The following PLXNA2 variants were observed in gnomAD, a reference collection of about 807,000 sequenced individuals.
PLXNA2 encodes the protein plexin-A2.
PLXNA2 carries 91 observed loss-of-function variants against 193.5 expected under a neutral mutation model. The observed-to-expected ratio is 0.47, with a 90% CI of 0.40 to 0.56. The LOEUF (loss-of-function observed/expected upper bound fraction) is 0.56, where lower values mean the gene tolerates loss of function less well. PLXNA2 is among the 20% of genes least tolerant of loss of function. The pLI is 0.00. For synonymous variants in PLXNA2, 997 were observed against 1,027.3 expected (o/e 0.97, Z 0.56); for missense variants, 1,995 against 2,503.2 (o/e 0.80, Z 4.33).
chr1:208,230,750 ACC>A (rs1181252249), intron 1 of PLXNA2, among the ~76,000 whole-genome samples: 4 of 152,018 alleles, frequency 2.6e-5, no homozygotes, highest in Non-Finnish European at 5.9e-5. Context: ...CTATGTCCCC[ACC>A]CTGTATCTTC....
intron 1 of PLXNA2, among the ~76,000 whole-genome samples, chr1:208,223,295 C>A (rs747240873): frequency 6.6e-6 from 1 of 151,462 alleles, no homozygotes; most frequent in Non-Finnish European, 1.5e-5. Context: ...TTGACCAGGG[C>A]GACTCAAAGT....
intron 8 of PLXNA2, 126 bp downstream of exon 8, chr1:208,095,903 G>A: frequency 1.4e-6 from 1 of 732,462 alleles, no homozygotes; most frequent in Middle Eastern, 2.4e-4. Flanking sequence ...AAAGTGTCAG[G>A]CCCCATGGGG....
intron 3 of PLXNA2, among the ~76,000 whole-genome samples, chr1:208,177,924 GTC>G (rs1558230549): frequency 6.6e-6 from 1 of 152,234 alleles, no homozygotes; most frequent in African/African-American, 2.4e-5. Flanking sequence ...GACTTTGCCC[GTC>G]TCTGGTTATC....
At chr1:208,081,368 A>G (rs541696201) in intron 11 of PLXNA2, among the ~76,000 whole-genome samples, 4 of 152,248 alleles carry the variant, frequency 2.6e-5, no homozygotes, top group African/African-American at 9.6e-5. Context: ...CCCCTACCCC[A>G]TCTCCATTGG....
rs1054322047 is a variant in PLXNA2, at chr1:208,044,922, T to C, written c.3639+145A>G. On this transcript the variant is annotated intron_variant, in intron 19 of 31. Coordinates refer to ENST00000367033, the MANE Select transcript of PLXNA2 (RefSeq NM_025179.4). The surrounding 1 kb of genome is among the most constrained non-coding windows in gnomAD (Gnocchi z 4.9). ...TTTCTTTTCTTGTGTTCTCAGCTTA[T>C]ACCCAATTTGATGTAGGACCCAGAG... 20 of 1,114,436 alleles carry C rather than the reference T, an allele frequency of 1.8e-5. No homozygotes were observed. The highest frequency in any genetic ancestry group is 7.9e-5 in the Admixed American group (4 of 50,490). 69.0% of individuals were successfully genotyped at this position (1,114,436 alleles called of 1,614,324 possible). A position where few individuals can be genotyped will look rare whatever the true frequency, so the allele number is the denominator to read the frequency against.
intron 5 of PLXNA2, among the ~76,000 whole-genome samples, chr1:208,101,825 C>T (rs1384185907): frequency 6.6e-6 from 1 of 152,138 alleles, no homozygotes; most frequent in East Asian, 1.9e-4. Context: ...TACCGCTGGA[C>T]ATGACCACTG....
At chr1:208,039,536 C>A in intron 24 of PLXNA2, 85 bp downstream of exon 24, 1 of 1,570,968 alleles carries the variant, frequency 6.4e-7, no homozygotes, top group East Asian at 2.2e-5. Flanking sequence ...TATTGACCCC[C>A]TAGACTGCTT....
chr1:208,210,228 C>G, intron 3 of PLXNA2, 52 bp downstream of exon 3: 1 of 1,584,664 alleles, frequency 6.3e-7, no homozygotes. Context: ...AAGAGGGACT[C>G]TTTGCTGAGG....
intron 4 of PLXNA2, among the ~76,000 whole-genome samples, chr1:208,118,378 GC>G (rs1344983994): frequency 1.4e-4 from 22 of 152,320 alleles, no homozygotes; most frequent in Admixed American, 3.9e-4. Flanking sequence ...ACACAGGGAA[GC>G]CCCTTGACCC....
chr1:208,147,428 T>G lies in PLXNA2; in HGVS notation c.1372-4965A>C, dbSNP rs150236117. Among the ~76,000 whole-genome samples the G allele has an allele frequency of 2.2e-3, 186 of 85,190 alleles. 2 individuals carry two copies. The highest frequency in any genetic ancestry group is 0.012 in the South Asian group (21 of 1,770). 55.9% of individuals were successfully genotyped at this position (85,190 alleles called of 152,430 possible). A position where few individuals can be genotyped will look rare whatever the true frequency, so the allele number is the denominator to read the frequency against. On this transcript the variant is annotated intron_variant, in intron 3 of 31. Coordinates refer to ENST00000367033, the MANE Select transcript of PLXNA2 (RefSeq NM_025179.4). ...TGTAATCTCCTTCTCAGGAGGGTTT[T>G]AAACCCAGGATAACCCCTTTTTTTC... is the stretch of plus-strand genomic sequence containing the variant.
At chr1:208,059,487 G>A (rs1026964691) in intron 13 of PLXNA2, among the ~76,000 whole-genome samples, 3 of 152,182 alleles carry the variant, frequency 2.0e-5, no homozygotes, top group African/African-American at 4.8e-5. Flanking sequence ...CCTTCTCTGG[G>A]CCCTGCGAGA....
chr1:208,062,205 T>C (rs150098635), intron 12 of PLXNA2, among the ~76,000 whole-genome samples: 152 of 152,266 alleles, frequency 1.0e-3, no homozygotes, highest in African/African-American at 3.6e-3. Context: ...TATGTGCTGG[T>C]GGAGTGTCCG....
At chr1:208,054,312 T>G in intron 14 of PLXNA2, 109 bp downstream of exon 14, 1 of 720,102 alleles carries the variant, frequency 1.4e-6, no homozygotes, top group South Asian at 1.8e-5. Context: ...TCCTCCTTGG[T>G]CTGCAAGAAG....
Position 208,098,893 on chromosome 1 carries a change from G to A in PLXNA2, c.1684C>T (p.Leu562Phe), listed in dbSNP as rs769594491. Residue 562 changes from leucine (L) to phenylalanine (F), a missense_variant, in exon 6 of 32, where the codon CTT becomes TTT. Transcript: ENST00000367033. ...GAGATGCTGCTGGGATGCACTGCAA[G>A]GCTCACACACTGGCTGATGCTGGCA... ...FAASISQCVS[L>F]AVHPSSISVS... 6.2e-7 allele frequency: 1 copy of A among 1,613,876 alleles called. No individual in the cohort carries two copies. Among genetic ancestry groups the A allele is most frequent in the Admixed American group, 1.7e-5 (1 of 59,982 alleles).
Position 208,224,176 on chromosome 1 carries a change from G to A in PLXNA2, c.-80-6174C>T, listed in dbSNP as rs1383722733. 8.5e-5 allele frequency among the ~76,000 whole-genome samples: 13 copies of A among 152,116 alleles called. No individual in the cohort carries two copies. In the East Asian group the frequency reaches 1.2e-3, roughly 14 times the overall value. ...CGCAAAAGCCCCGGGTAATGCCGAC[G>A]GCTGAAAGTCCTCAATTAGAGTGAA... is the stretch of plus-strand genomic sequence containing the variant. On this transcript the variant is annotated intron_variant, in intron 1 of 31. Transcript: ENST00000367033.
intron 4 of PLXNA2, among the ~76,000 whole-genome samples, chr1:208,133,522 A>G (rs1668220913): frequency 6.6e-6 from 1 of 152,230 alleles, no homozygotes; most frequent in South Asian, 2.1e-4. Flanking sequence ...CTATATCTAC[A>G]TATGCAAATG....
At chr1:208,155,577 T>G (rs1457649450) in intron 3 of PLXNA2, among the ~76,000 whole-genome samples, 1 of 152,172 alleles carries the variant, frequency 6.6e-6, no homozygotes, top group Non-Finnish European at 1.5e-5. Context: ...TTTTGACAAT[T>G]TGGCAGTAAG....
chr1:208,183,761 A>G (rs1452238691), intron 3 of PLXNA2, among the ~76,000 whole-genome samples: 1 of 152,166 alleles, frequency 6.6e-6, no homozygotes, highest in East Asian at 1.9e-4. Flanking sequence ...TGAAAAAGAA[A>G]TTGCACTGTA....
At chr1:208,102,996 T>C (rs376286790) in intron 5 of PLXNA2, 151 bp downstream of exon 5, 4 of 656,842 alleles carry the variant, frequency 6.1e-6, no homozygotes, top group East Asian at 2.8e-5. Flanking sequence ...CCTCTTTGCC[T>C]CTTCCTGCTC....
Sources: gnomAD v4.1 joint callset for allele counts (sites outside exome capture counted in the v4.1 genomes callset) on GRCh38, gnomAD v4.1.1 for gene constraint, Gnocchi (gnomAD v3.1) non-coding constraint, MANE v1.5 for transcripts, NCBI Gene and HGNC (gene_info 2026-07-23, HGNC 2026-07-21) for gene names.